MAP2K6: variants seen among roughly 807,000 people sequenced by gnomAD.
MAP2K6 encodes the protein dual specificity mitogen-activated protein kinase kinase 6.
In MAP2K6, 16 loss-of-function variants were observed where a neutral mutation model predicts 53.7. That is an observed-to-expected ratio of 0.30 (90% CI 0.20 to 0.45). The LOEUF (loss-of-function observed/expected upper bound fraction) is 0.45. MAP2K6 is among the 20% of genes least tolerant of loss of function. The pLI is 1.00. For missense variants in MAP2K6, 204 were observed against 411.9 expected, an observed-to-expected ratio of 0.50 and a Z score of 4.37; for synonymous variants, 132 against 143.1, an observed-to-expected ratio of 0.92 and a Z score of 0.55.
chr17:69,425,557 C>T (rs554569643), intron 1 of MAP2K6, among the ~76,000 whole-genome samples: 14 of 152,246 alleles, frequency 9.2e-5, no homozygotes, highest in African/African-American at 2.6e-4. Context: ...ATGATTCGCC[C>T]GCCTCGGCCT....
chr17:69,437,387 G>A (rs1481959938), intron 1 of MAP2K6, among the ~76,000 whole-genome samples: 4 of 152,100 alleles, frequency 2.6e-5, no homozygotes, highest in Admixed American at 6.5e-5. Flanking sequence ...GTAGGCTAAG[G>A]AGGAGGAGGA....
At chr17:69,459,348 T>G (rs1290622598) in intron 1 of MAP2K6, among the ~76,000 whole-genome samples, 3 of 152,160 alleles carry the variant, frequency 2.0e-5, no homozygotes, top group African/African-American at 7.2e-5. Flanking sequence ...AGTCATTATC[T>G]TTCCTTTGAG....
At chr17:69,506,969 T>C (rs551469214) in intron 2 of MAP2K6, among the ~76,000 whole-genome samples, 6 of 152,086 alleles carry the variant, frequency 3.9e-5, no homozygotes, top group Non-Finnish European at 8.8e-5. Flanking sequence ...TTTTTCTTTT[T>C]TTTTCGGTCT....
chr17:69,522,014 G>A (rs1043258161), intron 7 of MAP2K6, among the ~76,000 whole-genome samples: 1 of 152,072 alleles, frequency 6.6e-6, no homozygotes, highest in Non-Finnish European at 1.5e-5. Flanking sequence ...GGTGGTGGGT[G>A]TCTGTAATCC....
intron 1 of MAP2K6, among the ~76,000 whole-genome samples, chr17:69,489,233 AAAAAAAGG>A (rs1303893260): frequency 2.0e-5 from 3 of 151,776 alleles, no homozygotes; most frequent in African/African-American, 4.8e-5. Flanking sequence ...AAAAAAAAAA[AAAAAAAGG>A]AAAAAAGGAA....
intron 1 of MAP2K6, among the ~76,000 whole-genome samples, chr17:69,422,558 CT>C (rs1352397616): frequency 6.6e-6 from 1 of 152,170 alleles, no homozygotes; most frequent in Non-Finnish European, 1.5e-5. Context: ...TGAGATTAGT[CT>C]TCTTTGGACA....
In MAP2K6 at chr17:69,461,597, T is replaced by C. The variant is rs187209337; in HGVS notation, c.17-44183T>C. Among the ~76,000 whole-genome samples, 11 of 152,268 alleles carry C rather than the reference T, an allele frequency of 7.2e-5. No individual in the cohort carries two copies. The East Asian group carries it at 2.1e-3, about 29-fold the overall frequency. ...TGTTTTTGTTCTGGGGAGAGCTCAT[T>C]TGATAAAGCAGGCTGCTGAGAAAGC... On this transcript the variant is annotated intron_variant, in intron 1 of 11. Coordinates refer to ENST00000590474, the MANE Select transcript of MAP2K6 (RefSeq NM_002758.4).
At chr17:69,448,904 G>A (rs917918402) in intron 1 of MAP2K6, among the ~76,000 whole-genome samples, 1 of 152,206 alleles carries the variant, frequency 6.6e-6, no homozygotes, top group African/African-American at 2.4e-5. Context: ...GACAACGGAG[G>A]TGTTAGTAGG....
intron 1 of MAP2K6, among the ~76,000 whole-genome samples, chr17:69,465,515 A>G (rs1907765501): frequency 6.6e-6 from 1 of 152,148 alleles, no homozygotes; most frequent in Non-Finnish European, 1.5e-5. Flanking sequence ...GAAAGACAAA[A>G]GGCCACCTCC....
intron 10 of MAP2K6, among the ~76,000 whole-genome samples, chr17:69,533,735 GTTTT>G (rs35697742): frequency 1.4e-5 from 2 of 140,174 alleles, no homozygotes; most frequent in African/African-American, 2.6e-5. Context: ...TAGCCTGTTT[GTTTT>G]TTTTTTTTTT....
intron 1 of MAP2K6, among the ~76,000 whole-genome samples, chr17:69,468,363 A>C (rs988376573): frequency 6.6e-6 from 1 of 152,206 alleles, no homozygotes; most frequent in East Asian, 1.9e-4. Context: ...AGAATGACTA[A>C]GGAAGTAATT....
At chr17:69,482,398 CTT>C (rs374823120) in intron 1 of MAP2K6, among the ~76,000 whole-genome samples, 125 of 152,118 alleles carry the variant, frequency 8.2e-4, no homozygotes, top group African/African-American at 2.8e-3. Context: ...ATGTCTTTCT[CTT>C]ATGTTTATCC....
chr17:69,456,847 ACTAT>A (rs1425029211), intron 1 of MAP2K6, among the ~76,000 whole-genome samples: 32 of 152,202 alleles, frequency 2.1e-4, no homozygotes, highest in Admixed American at 6.5e-4. Context: ...ACTGCTGCTG[ACTAT>A]CTTCCTACAA....
At chr17:69,507,332 T>TTGTGTG (rs34572619) in intron 2 of MAP2K6, among the ~76,000 whole-genome samples, 5 of 149,350 alleles carry the variant, frequency 3.3e-5, no homozygotes, top group Non-Finnish European at 7.5e-5. Context: ...AAGTATTCCT[T>TTGTGTG]TGTGTGTGTG....
chr17:69,417,673 C>T (rs1905948580), intron 1 of MAP2K6, among the ~76,000 whole-genome samples: 1 of 151,982 alleles, frequency 6.6e-6, no homozygotes, highest in Non-Finnish European at 1.5e-5. Context: ...GGAAGGGCAC[C>T]CAGAAAGTGC....
rs1907792956 is a variant in MAP2K6 at position 69,466,128 on chromosome 17, A to C, written c.17-39652A>C. On this transcript the variant is annotated intron_variant, in intron 1 of 11. Transcript: ENST00000590474. Reference sequence around the variant, plus strand: ...TCAGTACTTAAAAAAAAAAAAAAAAATGCAAAAATTAGCCAAGCATGGTGG... The same window carrying C: ...TCAGTACTTAAAAAAAAAAAAAAAACTGCAAAAATTAGCCAAGCATGGTGG... Among the ~76,000 whole-genome samples the C allele has an allele frequency of 2.7e-5, 3 of 112,384 alleles. No homozygotes were observed. The South Asian group carries it at 8.6e-4, about 32-fold the overall frequency. 73.7% of individuals were successfully genotyped at this position (112,384 alleles called of 152,430 possible).
intron 2 of MAP2K6, among the ~76,000 whole-genome samples, chr17:69,514,761 C>T (rs549298178): frequency 1.2e-4 from 18 of 152,090 alleles, no homozygotes; most frequent in Non-Finnish European, 2.4e-4. Context: ...GAGGTTTCAC[C>T]ATGTTGGCCA....
At position 69,548,502 on chromosome 17, in the gene MAP2K6, T is replaced by G. The variant is rs1165996686; in HGVS notation, c.*6749T>G. Reference sequence around the variant, plus strand: ...ATAGTCTCCTTATTATTCAGAAATATTCTTTTTCCTGCTGCACCATTAGGC... The same window carrying G: ...ATAGTCTCCTTATTATTCAGAAATAGTCTTTTTCCTGCTGCACCATTAGGC... On this transcript the variant is annotated 3_prime_UTR_variant, in exon 12 of 12. Transcript: ENST00000590474. 1 of 152,190 alleles carries G rather than the reference T, an allele frequency of 6.6e-6. No homozygotes were observed. The highest frequency in any genetic ancestry group is 1.5e-5 in the Non-Finnish European group (1 of 68,028). The allele number at this position is 152,190 out of a possible 1,614,324, so 9.4% of individuals were successfully genotyped here.
chr17:69,461,288 C>T (rs1227866691), intron 1 of MAP2K6, among the ~76,000 whole-genome samples: 2 of 152,176 alleles, frequency 1.3e-5, no homozygotes, highest in East Asian at 3.9e-4. Flanking sequence ...GGTGTCCTCA[C>T]TGCTCTGTAT....
Sources: gnomAD v4.1 joint callset for allele counts (sites outside exome capture counted in the v4.1 genomes callset) on GRCh38, gnomAD v4.1.1 for gene constraint, MANE v1.5 for transcripts, NCBI Gene and HGNC (gene_info 2026-07-23, HGNC 2026-07-21) for gene names.